Variants in GABRB3 observed in about 807,000 individuals in gnomAD.
GABRB3 encodes gamma-aminobutyric acid type A receptor subunit beta3.
Under a neutral mutation model 52.1 loss-of-function variants are expected in GABRB3, and 14 were observed. The observed-to-expected ratio is 0.27, with a 90% CI of 0.18 to 0.42. The LOEUF (loss-of-function observed/expected upper bound fraction) is 0.42. Among genes scored for constraint, GABRB3 ranks in the 10% least tolerant of loss-of-function variants. The pLI, the probability that GABRB3 is intolerant of heterozygous loss-of-function variation, is 1.00. For synonymous variants in GABRB3, 260 were observed against 232.3 expected (o/e 1.12, Z -1.08); for missense variants, 307 against 609.1 (o/e 0.50, Z 5.22).
At chr15:26,759,974 T>G (rs753106810) in intron 3 of GABRB3, among the ~76,000 whole-genome samples, 35 of 152,224 alleles carry the variant, frequency 2.3e-4, no homozygotes, top group Non-Finnish European at 4.4e-4. Context: ...CCAAAAAAAC[T>G]GATGCAACTA....
chr15:26,627,128 C>CA (rs1474198476), intron 3 of GABRB3, among the ~76,000 whole-genome samples: 1 of 152,050 alleles, frequency 6.6e-6, no homozygotes, highest in African/African-American at 2.4e-5. Flanking sequence ...CGCCTATGCT[C>CA]AAAAAATCCA....
intron 3 of GABRB3, among the ~76,000 whole-genome samples, chr15:26,708,054 A>G (rs1889163623): frequency 6.6e-6 from 1 of 152,160 alleles, no homozygotes; most frequent in African/African-American, 2.4e-5. Flanking sequence ...CAGATTTTGG[A>G]GCATTTCAGA....
chr15:26,615,366 T>G (rs1892217199), intron 4 of GABRB3: 12 of 985,562 alleles, frequency 1.2e-5, no homozygotes, highest in Non-Finnish European at 1.3e-5. Context: ...TCCCATCACA[T>G]GCTGACAAGC....
At chr15:26,616,983 T>A (rs1318462570) in intron 4 of GABRB3, among the ~76,000 whole-genome samples, 3 of 151,990 alleles carry the variant, frequency 2.0e-5, no homozygotes, top group African/African-American at 7.3e-5. Context: ...AGTGTATGTG[T>A]CGAGGAATTT....
chr15:26,595,640 C>T (rs1012171842), intron 4 of GABRB3, among the ~76,000 whole-genome samples: 1 of 152,140 alleles, frequency 6.6e-6, no homozygotes, highest in African/African-American at 2.4e-5. Context: ...GCTGATGTTA[C>T]CATCCAAGTG....
intron 6 of GABRB3, among the ~76,000 whole-genome samples, chr15:26,575,575 G>A (rs1476042812): frequency 6.6e-6 from 1 of 152,114 alleles, no homozygotes; most frequent in East Asian, 1.9e-4. Context: ...CTAGGCTTTA[G>A]TTAAGCAGAC....
intron 3 of GABRB3, among the ~76,000 whole-genome samples, chr15:26,751,847 A>C (rs1386883023): frequency 6.6e-6 from 1 of 151,952 alleles, no homozygotes; most frequent in Admixed American, 6.5e-5. Flanking sequence ...GCACCACACT[A>C]GTAAAGTAGA....
At chr15:26,564,894 T>C (rs1200976609) in intron 7 of GABRB3, among the ~76,000 whole-genome samples, 1 of 152,238 alleles carries the variant, frequency 6.6e-6, no homozygotes, top group Non-Finnish European at 1.5e-5. Context: ...ACTGACACTT[T>C]AGGAATTATA....
intron 6 of GABRB3, among the ~76,000 whole-genome samples, chr15:26,568,527 T>C (rs1264208236): frequency 1.3e-5 from 2 of 148,752 alleles, no homozygotes; most frequent in Non-Finnish European, 3.0e-5. Flanking sequence ...AGATGGAGTC[T>C]CGCTCTGTCA....
Position 26,585,882 on chromosome 15 carries a change from AC to A in GABRB3, c.462-2469del, listed in dbSNP as rs1276764384. 2.0e-5 allele frequency among the ~76,000 whole-genome samples: 3 copies of A among 152,184 alleles called. No homozygotes were observed. In the East Asian group the frequency reaches 5.8e-4, roughly 29 times the overall value. On this transcript the variant is annotated intron_variant, in intron 4 of 8. Coordinates refer to ENST00000311550, the MANE Select transcript of GABRB3 (RefSeq NM_000814.6). ...ATGGCAGATTGACAACCCAATAACCACACAAGATGCCTATAATGCAAAATTA... is the reference window on the plus strand; with the variant it reads ...ATGGCAGATTGACAACCCAATAACCAACAAGATGCCTATAATGCAAAATTA...
At chr15:26,555,162 C>A (rs1401706498) in intron 8 of GABRB3, among the ~76,000 whole-genome samples, 2 of 151,954 alleles carry the variant, frequency 1.3e-5, no homozygotes, top group Admixed American at 6.6e-5. Context: ...CCAGCCTGGG[C>A]GACAGAGCGA....
chr15:26,554,176 G>GTATATATATATA lies in GABRB3; in HGVS notation c.1081-6054_1081-6043dup, dbSNP rs71130258. Among the ~76,000 whole-genome samples the GTATATATATATA allele has an allele frequency of 1.0e-3, 28 of 27,342 alleles. 6 individuals are homozygous for GTATATATATATA. Among genetic ancestry groups the GTATATATATATA allele is most frequent in the Admixed American group, 5.2e-3 (8 of 1,524 alleles). The allele number at this position is 27,342 out of a possible 152,430, so 17.9% of individuals were successfully genotyped here. The stretch of plus-strand genomic sequence containing the variant: ...TATATATAAAGTATATATATATAAA[G>GTATATATATATA]TATATATATATATACTATATATATA... On this transcript the variant is annotated intron_variant, in intron 8 of 8. Coordinates refer to ENST00000311550, the MANE Select transcript of GABRB3 (RefSeq NM_000814.6).
intron 8 of GABRB3, among the ~76,000 whole-genome samples, chr15:26,550,517 T>C (rs754881052): frequency 1.4e-4 from 21 of 152,150 alleles, no homozygotes; most frequent in African/African-American, 2.9e-4. Flanking sequence ...AGCCAAGAAA[T>C]AGGATCTCTT....
chr15:26,637,525 T>G (rs1429991154), intron 3 of GABRB3, among the ~76,000 whole-genome samples: 1 of 152,216 alleles, frequency 6.6e-6, no homozygotes, highest in Non-Finnish European at 1.5e-5. Context: ...AATTAGGCAT[T>G]GCATAAAAAT....
chr15:26,646,537 T>C lies in GABRB3; in HGVS notation c.241-25003A>G, dbSNP rs140160554. ...GCTAATCTCATCCATGTATGAGTCT[T>C]TGTGTGGGATAGTGTTCTCATTCTG... is the stretch of plus-strand genomic sequence containing the variant. On this transcript the variant is annotated intron_variant, in intron 3 of 8. Coordinates refer to ENST00000311550, the MANE Select transcript of GABRB3 (RefSeq NM_000814.6). Among the ~76,000 whole-genome samples the C allele has an allele frequency of 7.7e-4, 118 of 152,278 alleles. 1 individual carries two copies. Among genetic ancestry groups the C allele is most frequent in the African/African-American group, 2.7e-3 (111 of 41,564 alleles).
At chr15:26,763,824 G>A (rs1890889710) in intron 3 of GABRB3, among the ~76,000 whole-genome samples, 2 of 152,000 alleles carry the variant, frequency 1.3e-5, no homozygotes, top group African/African-American at 2.4e-5. Flanking sequence ...AGCAGATTTT[G>A]TAATCTTTAA....
At chr15:26,626,077 C>G (rs1365268243) in intron 3 of GABRB3, among the ~76,000 whole-genome samples, 1 of 152,158 alleles carries the variant, frequency 6.6e-6, no homozygotes, top group African/African-American at 2.4e-5. Flanking sequence ...CACTTCATGT[C>G]TCTGGGTCAT....
At chr15:26,652,297 A>G (rs1887222695) in intron 3 of GABRB3, among the ~76,000 whole-genome samples, 1 of 152,216 alleles carries the variant, frequency 6.6e-6, no homozygotes. Context: ...TTTATCTGCA[A>G]TTCACATATT....
In GABRB3 at chr15:26,726,076, A is replaced by G. The variant is rs539421304; in HGVS notation, c.240+46326T>C. Among the ~76,000 whole-genome samples the G allele has an allele frequency of 2.6e-5, 4 of 152,150 alleles. No homozygotes were observed. The East Asian group carries it at 5.8e-4, about 22-fold the overall frequency. On this transcript the variant is annotated intron_variant, in intron 3 of 8. Coordinates refer to ENST00000311550, the MANE Select transcript of GABRB3 (RefSeq NM_000814.6). ...TCTGGGTGTGCTGGGCATGCGCACA[A>G]AAGACATATCACAGCTGGAGGGAGC... is the stretch of plus-strand genomic sequence containing the variant.
Sources: gnomAD v4.1 joint callset for allele counts (sites outside exome capture counted in the v4.1 genomes callset) on GRCh38, gnomAD v4.1.1 for gene constraint, MANE v1.5 for transcripts, NCBI Gene and HGNC (gene_info 2026-07-23, HGNC 2026-07-21) for gene names.